Variants in KCNJ10 observed in about 807,000 individuals in gnomAD.
The protein encoded by KCNJ10 is potassium inwardly rectifying channel subfamily J member 10, also known as ATP-sensitive inward rectifier potassium channel 10.
KCNJ10 carries 9 observed loss-of-function variants against 22.2 expected under a neutral mutation model. The observed-to-expected ratio is 0.40, with a 90% CI of 0.24 to 0.71. KCNJ10 has a LOEUF of 0.71. Among genes scored for constraint, KCNJ10 ranks in the 30% least tolerant of loss-of-function variants. KCNJ10 has a pLI of 0.35. For synonymous variants in KCNJ10, 184 were observed against 187.3 expected, an observed-to-expected ratio of 0.98 and a Z score of 0.15; for missense variants, 337 against 482.7, an observed-to-expected ratio of 0.70 and a Z score of 2.83.
At position 160,049,678 on chromosome 1, in the gene KCNJ10, TATATATATA is replaced by T. The variant is rs1648838738; in HGVS notation, c.1-7155_1-7147del. ...AAGGATCCAGCATTTTATTTATTTA[TATATATATA>T]TATATATATATATATATATATATAT... On this transcript the variant is annotated intron_variant, in intron 1 of 1. Transcript: ENST00000644903. 3.3e-4 allele frequency among the ~76,000 whole-genome samples: 17 copies of T among 51,986 alleles called. 1 individual carries two copies. Among genetic ancestry groups the T allele is most frequent in the East Asian group, 6.6e-4 (1 of 1,520 alleles). 34.1% of individuals were successfully genotyped at this position (51,986 alleles called of 152,430 possible).
chr1:160,048,091 GT>G (rs781303064), intron 1 of KCNJ10, among the ~76,000 whole-genome samples: 1 of 152,220 alleles, frequency 6.6e-6, no homozygotes, highest in Non-Finnish European at 1.5e-5. Flanking sequence ...GAGATGGTTT[GT>G]TTATCATTGT....
chr1:160,066,510 A>G (rs985229354), intron 1 of KCNJ10, among the ~76,000 whole-genome samples: 5 of 152,194 alleles, frequency 3.3e-5, no homozygotes, highest in African/African-American at 9.7e-5. Flanking sequence ...CCACAACTCC[A>G]CTTTTTACAG....
At chr1:160,069,155 C>G (rs1649392752) in intron 1 of KCNJ10, among the ~76,000 whole-genome samples, 1 of 152,210 alleles carries the variant, frequency 6.6e-6, no homozygotes, top group South Asian at 2.1e-4. Flanking sequence ...CTTCAAGACA[C>G]CAGAACCCAC....
chr1:160,045,288 T>C (rs1648718335), intron 1 of KCNJ10, among the ~76,000 whole-genome samples: 1 of 152,248 alleles, frequency 6.6e-6, no homozygotes, highest in Non-Finnish European at 1.5e-5. Context: ...TATTCAATTT[T>C]CTTAACATGA....
chr1:160,061,754 A>AGGG (rs1553236575), intron 1 of KCNJ10, among the ~76,000 whole-genome samples: 2 of 6,832 alleles, frequency 2.9e-4, no homozygotes, highest in Non-Finnish European at 5.8e-4. Flanking sequence ...CAAAAGGGAA[A>AGGG]GGGGGGTGGG....
At chr1:160,046,967 C>G (rs1423825106) in intron 1 of KCNJ10, among the ~76,000 whole-genome samples, 1 of 152,186 alleles carries the variant, frequency 6.6e-6, no homozygotes, top group African/African-American at 2.4e-5. Context: ...CAGAGATATT[C>G]ACCTTCTTTC....
At position 160,049,695 on chromosome 1, in the gene KCNJ10, A is replaced by ATATATATATATATT. The variant is rs1471518109; in HGVS notation, c.1-7164_1-7163insAATATATATATATA. The stretch of plus-strand genomic sequence containing the variant: ...TTTATTTATATATATATATATATAT[A>ATATATATATATATT]TATATATATATATATATATATATAT... On this transcript the variant is annotated intron_variant, in intron 1 of 1. Coordinates refer to ENST00000644903, the MANE Select transcript of KCNJ10 (RefSeq NM_002241.5). Among the ~76,000 whole-genome samples, 83 of 120,524 alleles carry ATATATATATATATT rather than the reference A, an allele frequency of 6.9e-4. No homozygotes were observed. In the South Asian group the frequency reaches 8.2e-3, roughly 12 times the overall value. The allele number at this position is 120,524 out of a possible 152,430, so 79.1% of individuals were successfully genotyped here. A position where few individuals can be genotyped will look rare whatever the true frequency, so the allele number is the denominator to read the frequency against.
At chr1:160,045,460 G>A (rs1648722039) in intron 1 of KCNJ10, among the ~76,000 whole-genome samples, 2 of 152,160 alleles carry the variant, frequency 1.3e-5, no homozygotes, top group Admixed American at 6.5e-5. Flanking sequence ...TTATGTACTT[G>A]GGTCCAAAAA....
At chr1:160,063,878 T>C (rs973293580) in intron 1 of KCNJ10, among the ~76,000 whole-genome samples, 7 of 152,252 alleles carry the variant, frequency 4.6e-5, no homozygotes, top group Non-Finnish European at 1.0e-4. Flanking sequence ...ATCATTGAGC[T>C]CTACGCTGAG....
intron 1 of KCNJ10, among the ~76,000 whole-genome samples, chr1:160,045,887 C>G (rs765953240): frequency 2.0e-5 from 3 of 152,230 alleles, no homozygotes; most frequent in Non-Finnish European, 4.4e-5. Context: ...GAGGAACAAT[C>G]AGGGAGTTCA....
intron 1 of KCNJ10, among the ~76,000 whole-genome samples, chr1:160,057,263 G>A (rs555041447): frequency 1.3e-5 from 2 of 152,326 alleles, no homozygotes; most frequent in South Asian, 2.1e-4. Context: ...AAAGTCACTT[G>A]CTGACGTTTA....
At chr1:160,064,442 A>G (rs1649267242) in intron 1 of KCNJ10, among the ~76,000 whole-genome samples, 1 of 152,242 alleles carries the variant, frequency 6.6e-6, no homozygotes, top group Non-Finnish European at 1.5e-5. Flanking sequence ...ATATAAGACA[A>G]TGTCACTCTT....
At chr1:160,062,225 C>A (rs1649217661) in intron 1 of KCNJ10, among the ~76,000 whole-genome samples, 1 of 152,080 alleles carries the variant, frequency 6.6e-6, no homozygotes, top group South Asian at 2.1e-4. Context: ...GCCCACTCCC[C>A]CGTGCTCTCT....
At chr1:160,059,278 G>T (rs1649126119) in intron 1 of KCNJ10, among the ~76,000 whole-genome samples, 3 of 152,128 alleles carry the variant, frequency 2.0e-5, no homozygotes, top group Admixed American at 6.5e-5. Context: ...GTCCTCTATG[G>T]TCATCACGTT....
rs1314505994 is a variant in KCNJ10 at position 160,042,259 on chromosome 1, C to A, written c.274G>T (p.Ala92Ser). 3.7e-6 allele frequency: 6 copies of A among 1,613,932 alleles called. No homozygotes were observed. Among genetic ancestry groups the A allele is most frequent in the Non-Finnish European group, 5.1e-6 (6 of 1,179,960 alleles). Residue 92 changes from alanine (A) to serine (S), a missense_variant, in exon 2 of 2, where the codon GCA becomes TCA. By Grantham distance (99) the Ala-to-Ser change is moderately conservative (BLOSUM62 1). Transcript: ENST00000644903. ...TCCAGCTCCAGCAGGTCCCCATGTG[C>A]CACAGCTACCAGATACCACACCACG... ...FGVVWYLVAV[A>S]HGDLLELDPP...
chr1:160,066,564 C>T (rs1649326586), intron 1 of KCNJ10, among the ~76,000 whole-genome samples: 1 of 152,158 alleles, frequency 6.6e-6, no homozygotes, highest in African/African-American at 2.4e-5. Flanking sequence ...ACTGTGCATC[C>T]TCACAGCAGT....
At position 160,039,805 on chromosome 1, in the gene KCNJ10, A is replaced by G. The variant is rs2101923814; in HGVS notation, c.*1588T>C. The G allele has an allele frequency of 6.6e-6, 1 of 152,314 alleles. No homozygotes were observed. The highest frequency in any genetic ancestry group is 2.1e-4 in the South Asian group (1 of 4,828). 9.4% of individuals were successfully genotyped at this position (152,314 alleles called of 1,614,324 possible). A position where few individuals can be genotyped will look rare whatever the true frequency, so the allele number is the denominator to read the frequency against. On this transcript the variant is annotated 3_prime_UTR_variant, in exon 2 of 2. Transcript: ENST00000644903. ...TGAGACCACCTTAAACTGCAACTTG[A>G]CTTATAGTGGGACTATGCAGTACCA...
intron 1 of KCNJ10, among the ~76,000 whole-genome samples, chr1:160,060,453 C>T (rs1355661412): frequency 6.6e-6 from 1 of 152,016 alleles, no homozygotes; most frequent in Admixed American, 6.5e-5. Flanking sequence ...TAAGGAGAAT[C>T]CAGTAGCCAG....
intron 1 of KCNJ10, among the ~76,000 whole-genome samples, chr1:160,049,931 T>C (rs1648862116): frequency 1.3e-5 from 2 of 151,408 alleles, no homozygotes; most frequent in African/African-American, 4.9e-5. Context: ...CTTCTCACTC[T>C]GGGGCCTTCT....
Sources: allele counts gnomAD v4.1 joint callset (sites outside exome capture counted in the v4.1 genomes callset), GRCh38; gene constraint gnomAD v4.1.1; transcripts MANE v1.5; gene names NCBI Gene and HGNC (gene_info 2026-07-23, HGNC 2026-07-21).